Variants in PPP2R2B observed in about 807,000 individuals in gnomAD.
The protein encoded by PPP2R2B is protein phosphatase 2 regulatory subunit Bbeta, also known as serine/threonine-protein phosphatase 2A 55 kDa regulatory subunit B beta isoform.
In PPP2R2B, 5 loss-of-function variants were observed where a neutral mutation model predicts 46.0. That is an observed-to-expected ratio of 0.11 (90% CI 0.06 to 0.23). PPP2R2B has a LOEUF of 0.23. Ranked by LOEUF, PPP2R2B falls within the 10% of genes least tolerant of loss-of-function variation. The pLI is 1.00. For missense variants in PPP2R2B, 367 were observed against 575.0 expected, an observed-to-expected ratio of 0.64 and a Z score of 3.70; for synonymous variants, 215 against 206.7, an observed-to-expected ratio of 1.04 and a Z score of -0.34.
intron 2 of PPP2R2B, among the ~76,000 whole-genome samples, chr5:146,718,757 T>A (rs1374867226): frequency 6.6e-6 from 1 of 152,166 alleles, no homozygotes; most frequent in African/African-American, 2.4e-5. Context: ...TGCCAAGAAG[T>A]CTGACCCAGT....
chr5:146,829,602 C>T (rs1758795821), intron 2 of PPP2R2B, among the ~76,000 whole-genome samples: 1 of 152,106 alleles, frequency 6.6e-6, no homozygotes, highest in Non-Finnish European at 1.5e-5. Flanking sequence ...ATGTTAAGTA[C>T]CTGCAGTGGC....
At chr5:146,676,820 T>A in intron 5 of PPP2R2B, among the ~76,000 whole-genome samples, 1 of 152,190 alleles carries the variant, frequency 6.6e-6, no homozygotes, top group East Asian at 1.9e-4. Context: ...GCTTGTGGAA[T>A]TAGTTTTTAA....
At chr5:146,708,413 G>A (rs201709204) in intron 2 of PPP2R2B, among the ~76,000 whole-genome samples, 9 of 92,652 alleles carry the variant, frequency 9.7e-5, no homozygotes, top group Non-Finnish European at 2.0e-4. Flanking sequence ...GTGTATGTGT[G>A]TGTGTGTGTG....
chr5:146,610,181 C>G (rs1772740597), intron 7 of PPP2R2B, among the ~76,000 whole-genome samples: 1 of 37,400 alleles, frequency 2.7e-5, no homozygotes, highest in Non-Finnish European at 4.7e-5. Context: ...TCAAGTGGGT[C>G]CCTGACCCCT....
At chr5:146,978,906 T>C (rs1187360592) in intron 1 of PPP2R2B, among the ~76,000 whole-genome samples, 1 of 152,194 alleles carries the variant, frequency 6.6e-6, no homozygotes. Context: ...TTGCATTAAC[T>C]TCATCCCTGT....
intron 2 of PPP2R2B, chr5:147,080,953 G>T: frequency 9.8e-7 from 1 of 1,025,208 alleles, no homozygotes; most frequent in Non-Finnish European, 1.4e-6. Context: ...CAATTTTGGG[G>T]TGTGTGGGGA....
At chr5:146,833,664 G>A (rs249901) in intron 2 of PPP2R2B, among the ~76,000 whole-genome samples, 19,241 of 151,948 alleles carry the variant, frequency 0.13, 1,403 homozygotes, top group African/African-American at 0.19. Flanking sequence ...CTGGTGAATG[G>A]GTATTAATGA....
intron 5 of PPP2R2B, among the ~76,000 whole-genome samples, chr5:146,676,104 G>T (rs1777693787): frequency 6.6e-6 from 1 of 151,954 alleles, no homozygotes; most frequent in African/African-American, 2.4e-5. Context: ...TGGCAGCTGG[G>T]GGCTAGAGGG....
chr5:146,910,113 C>T (rs1014194416), intron 1 of PPP2R2B, among the ~76,000 whole-genome samples: 1 of 152,174 alleles, frequency 6.6e-6, no homozygotes, highest in Non-Finnish European at 1.5e-5. Context: ...AGTTTTCATT[C>T]TCTGAATTCA....
At chr5:146,980,189 G>A (rs1219710257) in intron 1 of PPP2R2B, among the ~76,000 whole-genome samples, 1 of 152,122 alleles carries the variant, frequency 6.6e-6, no homozygotes, top group Non-Finnish European at 1.5e-5. Context: ...AAATAAAAAT[G>A]TGTGCATGTA....
intron 2 of PPP2R2B, among the ~76,000 whole-genome samples, chr5:146,735,647 G>A (rs1200229083): frequency 4.6e-5 from 7 of 152,152 alleles, no homozygotes; most frequent in African/African-American, 7.2e-5. Flanking sequence ...AACCATGGAC[G>A]TTGCTGGAAT....
intron 2 of PPP2R2B, among the ~76,000 whole-genome samples, chr5:146,840,591 G>T (rs926563880): frequency 6.6e-6 from 1 of 152,058 alleles, no homozygotes; most frequent in Non-Finnish European, 1.5e-5. Context: ...ATACCCAAAG[G>T]GGTTTGGAGG....
intron 2 of PPP2R2B, among the ~76,000 whole-genome samples, chr5:146,732,451 G>T (rs187952299): frequency 6.6e-6 from 1 of 152,280 alleles, no homozygotes; most frequent in East Asian, 1.9e-4. Context: ...AAGGAGGCAT[G>T]ATTTGGAATT....
intron 2 of PPP2R2B, among the ~76,000 whole-genome samples, chr5:146,808,911 C>T (rs903052824): frequency 1.1e-4 from 17 of 151,518 alleles, no homozygotes; most frequent in African/African-American, 3.6e-4. Context: ...TTATTATTAC[C>T]TTGTAAATGT....
At chr5:146,959,504 G>C (rs1022996361) in intron 1 of PPP2R2B, among the ~76,000 whole-genome samples, 7 of 152,114 alleles carry the variant, frequency 4.6e-5, no homozygotes, top group Non-Finnish European at 8.8e-5. Context: ...CTATTGCCTG[G>C]CAGAGTGAGA....
chr5:146,775,275 T>C (rs1050042129), intron 2 of PPP2R2B, among the ~76,000 whole-genome samples: 6 of 152,136 alleles, frequency 3.9e-5, no homozygotes, highest in African/African-American at 1.4e-4. Context: ...CAACAGCATA[T>C]TGAAAGGATT....
At chr5:146,971,386 G>A (rs765816937) in intron 1 of PPP2R2B, among the ~76,000 whole-genome samples, 4 of 152,108 alleles carry the variant, frequency 2.6e-5, no homozygotes, top group Non-Finnish European at 4.4e-5. Context: ...ACATGGTAAC[G>A]TACTATCCAC....
At chr5:146,715,305 T>G (rs553454534) in intron 2 of PPP2R2B, among the ~76,000 whole-genome samples, 1 of 152,178 alleles carries the variant, frequency 6.6e-6, no homozygotes, top group Non-Finnish European at 1.5e-5. Flanking sequence ...AGGTAGAGAA[T>G]TGCAACTGTC....
intron 2 of PPP2R2B, among the ~76,000 whole-genome samples, chr5:147,079,132 T>C (rs912092921): frequency 2.0e-5 from 3 of 152,052 alleles, no homozygotes; most frequent in Admixed American, 1.3e-4. Context: ...TTTAGAAGGA[T>C]CTTTTGTAAG....
Sources: allele counts gnomAD v4.1 joint callset (sites outside exome capture counted in the v4.1 genomes callset), GRCh38; gene constraint gnomAD v4.1.1; transcripts MANE v1.5; gene names NCBI Gene and HGNC (gene_info 2026-07-23, HGNC 2026-07-21).